BCL11B: variants seen among roughly 807,000 people sequenced by gnomAD.
BCL11B encodes the protein B-cell lymphoma/leukemia 11B.
BCL11B carries 8 observed loss-of-function variants against 49.9 expected under a neutral mutation model. The observed-to-expected ratio is 0.16, with a 90% confidence interval of 0.09 to 0.29. The LOEUF is 0.29. Among genes scored for constraint, BCL11B ranks in the 10% least tolerant of loss-of-function variants. The pLI is 1.00. For synonymous variants in BCL11B, 739 were observed against 637.4 expected, an observed-to-expected ratio of 1.16 and a Z score of -2.40; for missense variants, 1,006 against 1,351.0, an observed-to-expected ratio of 0.74 and a Z score of 4.00.
chr14:99,178,212 CTG>C (rs1036361409), intron 3 of BCL11B, among the ~76,000 whole-genome samples: 7 of 152,190 alleles, frequency 4.6e-5, no homozygotes, highest in South Asian at 2.1e-4. Flanking sequence ...CTCTCCTATT[CTG>C]TGTGTTTGGT....
chr14:99,236,824 C>G (rs545136444), intron 2 of BCL11B, among the ~76,000 whole-genome samples: 2 of 152,194 alleles, frequency 1.3e-5, no homozygotes, highest in East Asian at 3.8e-4. Flanking sequence ...TAAGACTGCA[C>G]GCTCATATTT....
At position 99,192,080 on chromosome 14, in the gene BCL11B, T is replaced by G. The variant is rs994459862; in HGVS notation, c.641-15885A>C. On this transcript the variant is annotated intron_variant, in intron 3 of 3. Transcript: ENST00000357195. This position sits in a 1 kb window ranked among gnomAD's most constrained non-coding sequence, Gnocchi z 4.0. ...TCAAGAACGTGCTAGCTCCGGAATATTTTTAGAACAATCACTGGAGTGATT... is the reference window on the plus strand; with the variant it reads ...TCAAGAACGTGCTAGCTCCGGAATAGTTTTAGAACAATCACTGGAGTGATT... Among the ~76,000 whole-genome samples, 1 of 152,138 alleles carries G rather than the reference T, an allele frequency of 6.6e-6. No homozygotes were observed. Among genetic ancestry groups the G allele is most frequent in the Non-Finnish European group, 1.5e-5 (1 of 68,016 alleles).
intron 3 of BCL11B, among the ~76,000 whole-genome samples, chr14:99,206,997 A>G (rs10142429): frequency 0.28 from 42,105 of 151,996 alleles, 6,044 homozygotes; most frequent in Non-Finnish European, 0.32. Context: ...AAGCCCTCCA[A>G]GCTTGCAGTT....
intron 2 of BCL11B, among the ~76,000 whole-genome samples, chr14:99,238,170 A>C (rs1378486433): frequency 6.6e-6 from 1 of 152,030 alleles, no homozygotes; most frequent in Non-Finnish European, 1.5e-5. Flanking sequence ...GCCCTACTCT[A>C]AGCTCCTCCT....
chr14:99,214,009 C>G (rs1288924476), intron 3 of BCL11B, among the ~76,000 whole-genome samples: 1 of 152,094 alleles, frequency 6.6e-6, no homozygotes, highest in African/African-American at 2.4e-5. Context: ...GCAGGCAGAA[C>G]CTGGGCTCAA....
chr14:99,257,398 G>A lies in BCL11B; in HGVS notation c.427+73C>T. 6.0e-6 allele frequency: 9 copies of A among 1,512,572 alleles called. No homozygotes were observed. The highest frequency in any genetic ancestry group is 1.3e-5 in the South Asian group (1 of 76,132). The allele number at this position is 1,512,572 out of a possible 1,614,324, so 93.7% of individuals were successfully genotyped here. ...AGCCCCTGGGCCTTCCCCTGCACCA[G>A]CACACTCAGGCAGAGGGCATGGGAC... On this transcript the variant is annotated intron_variant, in intron 2 of 3. Coordinates refer to ENST00000357195, the MANE Select transcript of BCL11B (RefSeq NM_138576.4). The surrounding 1 kb of genome is among the most constrained non-coding windows in gnomAD (Gnocchi z 6.2).
In BCL11B at chr14:99,231,463, C is replaced by G; in HGVS notation, c.522G>C (p.Leu174=). The change falls in exon 3 of 4, where the codon CTG becomes CTC. Residue 174 remains leucine, a synonymous_variant. Transcript: ENST00000357195. The surrounding 1 kb of genome is among the most constrained non-coding windows in gnomAD (Gnocchi z 8.1). ...GGGGGAGGCAGGGCGGGAGAGCGCC[C>G]AGGGCACGCAGAGGTGAAGTGATCA... is the stretch of plus-strand genomic sequence containing the variant. ...SSVITSPLRA[L]GALPPCLPLP... 1 of 1,598,362 alleles carries G rather than the reference C, an allele frequency of 6.3e-7. No individual in the cohort carries two copies.
intron 3 of BCL11B, among the ~76,000 whole-genome samples, chr14:99,186,445 T>C (rs543789884): frequency 6.6e-6 from 1 of 152,024 alleles, no homozygotes; most frequent in Non-Finnish European, 1.5e-5. Flanking sequence ...GCTTGAACCT[T>C]GGAGGCGGAG....
rs551401166 is a variant in BCL11B at position 99,170,628 on chromosome 14, G to T, written c.*3523C>A. On this transcript the variant is annotated 3_prime_UTR_variant, in exon 4 of 4. Coordinates refer to ENST00000357195, the MANE Select transcript of BCL11B (RefSeq NM_138576.4). Reference sequence around the variant, plus strand: ...GGATGGAGAGGAAACGCAGGGGAAGGAGAGAGAACGAGATATGGAAAGGCA... The same window carrying T: ...GGATGGAGAGGAAACGCAGGGGAAGTAGAGAGAACGAGATATGGAAAGGCA... 4.3e-6 allele frequency: 1 copy of T among 233,168 alleles called. No homozygotes were observed. Among genetic ancestry groups the T allele is most frequent in the Non-Finnish European group, 8.5e-6 (1 of 117,722 alleles). The allele number at this position is 233,168 out of a possible 1,614,324, so 14.4% of individuals were successfully genotyped here.
chr14:99,242,364 G>A lies in BCL11B; in HGVS notation c.428-10807C>T, dbSNP rs748211810. Reference sequence around the variant, plus strand: ...GGCGGAGAGGCCCGTCAGGTTGGGAGGGTTACGAGTCCAGCCGTGGAGAGG... The same window carrying A: ...GGCGGAGAGGCCCGTCAGGTTGGGAAGGTTACGAGTCCAGCCGTGGAGAGG... On this transcript the variant is annotated intron_variant, in intron 2 of 3. Transcript: ENST00000357195. This position sits in a 1 kb window ranked among gnomAD's most constrained non-coding sequence, Gnocchi z 4.4. Among the ~76,000 whole-genome samples, 2 of 152,222 alleles carry A rather than the reference G, an allele frequency of 1.3e-5. No individual in the cohort carries two copies. The highest frequency in any genetic ancestry group is 6.5e-5 in the Admixed American group (1 of 15,286).
rs935109987 is a variant in BCL11B at position 99,208,664 on chromosome 14, C to T, written c.640+22681G>A. On this transcript the variant is annotated intron_variant, in intron 3 of 3. Coordinates refer to ENST00000357195, the MANE Select transcript of BCL11B (RefSeq NM_138576.4). ...CTAATAACACTGCCTCCCTCCTGTC[C>T]GGGCAGGCTCGGGGCAGGGCCCCTT... Among the ~76,000 whole-genome samples the T allele has an allele frequency of 6.6e-5, 10 of 152,340 alleles. No homozygotes were observed. In the South Asian group the frequency reaches 1.2e-3, roughly 19 times the overall value.
intron 1 of BCL11B, among the ~76,000 whole-genome samples, chr14:99,263,605 G>A (rs914343470): frequency 2.8e-4 from 42 of 152,212 alleles, no homozygotes; most frequent in Non-Finnish European, 7.3e-5. Flanking sequence ...CAGATTGTTT[G>A]CAGGACTCCA....
Position 99,172,867 on chromosome 14 carries a change from G to A in BCL11B, c.*1284C>T, listed in dbSNP as rs560609986. 8.8e-6 allele frequency: 2 copies of A among 228,168 alleles called. No homozygotes were observed. The highest frequency in any genetic ancestry group is 1.1e-4 in the Admixed American group (2 of 17,626). The allele number at this position is 228,168 out of a possible 1,614,324, so 14.1% of individuals were successfully genotyped here. ...TAGGAAAAAAAAAATAAAAACCTGG[G>A]AAGTAGCGCTGGGCACCTTCTGATG... On this transcript the variant is annotated 3_prime_UTR_variant, in exon 4 of 4. Coordinates refer to ENST00000357195, the MANE Select transcript of BCL11B (RefSeq NM_138576.4).
In BCL11B at chr14:99,173,613, CA is replaced by C. The variant is rs894280889; in HGVS notation, c.*537del. On this transcript the variant is annotated 3_prime_UTR_variant, in exon 4 of 4. Transcript: ENST00000357195. ...CTGCATGCCACTTTTTATTTCAGGA[CA>C]AAAAAAAGGAAGGAATGAAAAAGTA... The C allele has an allele frequency of 9.7e-5, 18 of 186,448 alleles. No homozygotes were observed. The highest frequency in any genetic ancestry group is 1.8e-4 in the African/African-American group (7 of 39,162). 11.5% of individuals were successfully genotyped at this position (186,448 alleles called of 1,614,324 possible).
In BCL11B at chr14:99,175,128, C is replaced by T. The variant is rs779345697; in HGVS notation, c.1708G>A (p.Gly570Ser). 3 of 1,594,428 alleles carry T rather than the reference C, an allele frequency of 1.9e-6. No homozygotes were observed. Among genetic ancestry groups the T allele is most frequent in the Admixed American group, 1.7e-5 (1 of 59,208 alleles). ...CCCGGGACCCCGGGCACCCCACCACCGCCGTTCTCGCGGTTGCGGCTCAGC... is the reference window on the plus strand; with the variant it reads ...CCCGGGACCCCGGGCACCCCACCACTGCCGTTCTCGCGGTTGCGGCTCAGC... Reference protein sequence around the residue: ...SELSRNRENGGGGVPGVPGAG... With the variant: ...SELSRNRENGSGGVPGVPGAG... The change falls in exon 4 of 4, where the codon GGT (glycine) becomes AGT (serine). Residue 570 changes from glycine to serine, a missense_variant. Around this residue, in one of 6 missense-constraint regions of BCL11B, gnomAD observed 443 missense variants for 499.7 expected, o/e 0.89. Transcript: ENST00000357195.
intron 3 of BCL11B, among the ~76,000 whole-genome samples, chr14:99,218,804 A>G (rs1433801242): frequency 6.6e-6 from 1 of 152,188 alleles, no homozygotes; most frequent in Non-Finnish European, 1.5e-5. Flanking sequence ...AGGTCACTGC[A>G]GGTGTGACTA....
rs762061207 is a variant in BCL11B, at chr14:99,175,504, C to T, written c.1332G>A (p.Val444=). ...TCTCGCCCGTGTGACTGCGCCGGTG[C>T]ACGATGAGATTGCTCTGGAACTTGA... ...KTFKFQSNLI[V]HRRSHTGEKP... is the part of the protein sequence containing the mutation. The change falls in exon 4 of 4, where the codon GTG becomes GTA. Residue 444 remains valine (V), a synonymous_variant. Coordinates refer to ENST00000357195, the MANE Select transcript of BCL11B (RefSeq NM_138576.4). The T allele has an allele frequency of 2.5e-6, 4 of 1,609,960 alleles. No individual in the cohort carries two copies. The highest frequency in any genetic ancestry group is 3.4e-6 in the Non-Finnish European group (4 of 1,178,034).
chr14:99,245,437 C>A (rs1490769221), intron 2 of BCL11B, among the ~76,000 whole-genome samples: 1 of 152,222 alleles, frequency 6.6e-6, no homozygotes, highest in Non-Finnish European at 1.5e-5. Context: ...AAGGTCCCCA[C>A]GAAATCCCCA....
At chr14:99,264,730 TAG>T (rs1889433028) in intron 1 of BCL11B, 2 of 152,214 alleles carry the variant, frequency 1.3e-5, no homozygotes, top group Non-Finnish European at 2.9e-5. Flanking sequence ...AGCCTCCATC[TAG>T]TGTCACTTTT....
Sources: allele counts gnomAD v4.1 joint callset (sites outside exome capture counted in the v4.1 genomes callset), GRCh38; gene constraint gnomAD v4.1.1; regional missense constraint gnomAD v4.1.1; non-coding constraint Gnocchi (gnomAD v3.1); transcripts MANE v1.5; gene names NCBI Gene and HGNC (gene_info 2026-07-23, HGNC 2026-07-21).